MAGI2: variants seen among roughly 807,000 people sequenced by gnomAD.
The protein encoded by MAGI2 is membrane-associated guanylate kinase, WW and PDZ domain-containing protein 2.
MAGI2 carries 35 observed loss-of-function variants against 133.3 expected under a neutral mutation model. That is an observed-to-expected ratio of 0.26 (90% CI 0.20 to 0.35). MAGI2 has a LOEUF of 0.35. MAGI2 is among the 10% of genes least tolerant of loss of function. The pLI, the probability that MAGI2 is intolerant of heterozygous loss-of-function variation, is 1.00. For synonymous variants in MAGI2, 729 were observed against 710.6 expected, an observed-to-expected ratio of 1.03 and a Z score of -0.41; for missense variants, 1,636 against 1,863.4, an observed-to-expected ratio of 0.88 and a Z score of 2.25.
chr7:78,995,995 T>A (rs1449940230), intron 2 of MAGI2, among the ~76,000 whole-genome samples: 1 of 152,140 alleles, frequency 6.6e-6, no homozygotes, highest in South Asian at 2.1e-4. Context: ...TGAGATAATA[T>A]CTGAAGAATA....
intron 2 of MAGI2, among the ~76,000 whole-genome samples, chr7:78,933,858 T>A (rs1012592031): frequency 2.6e-5 from 4 of 152,054 alleles, no homozygotes; most frequent in Admixed American, 6.6e-5. Context: ...GAGAAAACAT[T>A]TTAAAAAGCC....
intron 1 of MAGI2, among the ~76,000 whole-genome samples, chr7:79,380,042 C>T (rs1249315359): frequency 2.0e-5 from 3 of 151,680 alleles, no homozygotes; most frequent in African/African-American, 7.3e-5. Flanking sequence ...ACCATAAAAA[C>T]CCTAGAAGAA....
chr7:78,253,195 A>C (rs185564442), intron 10 of MAGI2: 23 of 152,350 alleles, frequency 1.5e-4, no homozygotes, highest in Admixed American at 2.6e-4. Context: ...ATGAATGGAC[A>C]GGAAAATGGA....
intron 9 of MAGI2, among the ~76,000 whole-genome samples, chr7:78,302,028 GC>G (rs1215375713): frequency 7.2e-5 from 11 of 152,170 alleles, no homozygotes; most frequent in Admixed American, 7.2e-4. Context: ...TAGAGTGCTA[GC>G]CAAATGTTAG....
rs538261553 is a variant in MAGI2, at chr7:78,529,092, T to A, written c.539-7447A>T. ...GCTGGTTTCACAATATGATCTCCAA[T>A]GACATACATTCTGAATTTACTGTCT... On this transcript the variant is annotated intron_variant, in intron 3 of 21. Coordinates refer to ENST00000354212, the MANE Select transcript of MAGI2 (RefSeq NM_012301.4). Among the ~76,000 whole-genome samples, 15 of 152,316 alleles carry A rather than the reference T, an allele frequency of 9.8e-5. No homozygotes were observed. In the South Asian group the frequency reaches 1.9e-3, roughly 19 times the overall value.
chr7:79,258,621 C>T (rs1833864855), intron 1 of MAGI2, among the ~76,000 whole-genome samples: 1 of 152,124 alleles, frequency 6.6e-6, no homozygotes, highest in Non-Finnish European at 1.5e-5. Context: ...AAAGTAACTA[C>T]TTATTATTTA....
In MAGI2 at chr7:79,251,089, A is replaced by G. The variant is rs551453781; in HGVS notation, c.301+201931T>C. Among the ~76,000 whole-genome samples the G allele has an allele frequency of 7.2e-5, 11 of 152,322 alleles. 1 individual carries two copies. The highest frequency in any genetic ancestry group is 2.4e-4 in the African/African-American group (10 of 41,576). ...TCTTGCCATATACAAAAGCAAATCA[A>G]AATGAATTAAAGACTTAAATCTGAG... On this transcript the variant is annotated intron_variant, in intron 1 of 21. Coordinates refer to ENST00000354212, the MANE Select transcript of MAGI2 (RefSeq NM_012301.4).
intron 21 of MAGI2, among the ~76,000 whole-genome samples, chr7:78,029,973 C>A (rs897655561): frequency 6.6e-6 from 1 of 152,202 alleles, no homozygotes; most frequent in East Asian, 1.9e-4. Context: ...CTTGGAGCCT[C>A]AGCTGACTGT....
chr7:78,481,970 C>G (rs184079894), intron 6 of MAGI2, among the ~76,000 whole-genome samples: 2 of 151,890 alleles, frequency 1.3e-5, no homozygotes, highest in Non-Finnish European at 1.5e-5. Context: ...GATGGAAATA[C>G]AAACTGCAGA....
chr7:78,219,329 T>C (rs1266757896), intron 10 of MAGI2, among the ~76,000 whole-genome samples: 3 of 152,174 alleles, frequency 2.0e-5, no homozygotes, highest in Admixed American at 1.3e-4. Context: ...TACTTATTCA[T>C]CATTAAATGC....
rs951293670 is a variant in MAGI2, at chr7:78,018,498, T to C, written c.*817A>G. 3 of 152,220 alleles carry C rather than the reference T, an allele frequency of 2.0e-5. No homozygotes were observed. Among genetic ancestry groups the C allele is most frequent in the Admixed American group, 6.5e-5 (1 of 15,284 alleles). The allele number at this position is 152,220 out of a possible 1,614,324, so 9.4% of individuals were successfully genotyped here. A position where few individuals can be genotyped will look rare whatever the true frequency, so the allele number is the denominator to read the frequency against. On this transcript the variant is annotated 3_prime_UTR_variant, in exon 22 of 22. Coordinates refer to ENST00000354212, the MANE Select transcript of MAGI2 (RefSeq NM_012301.4). ...AATTGTGGTCCTTCAATTATAAAAT[T>C]CATATTTTAGAGAAAAACCAATTAA...
chr7:78,610,016 C>A (rs571655867), intron 3 of MAGI2, among the ~76,000 whole-genome samples: 1 of 152,204 alleles, frequency 6.6e-6, no homozygotes, highest in South Asian at 2.1e-4. Context: ...AATGTGGGAA[C>A]TGGAAGCAAA....
At chr7:78,454,169 A>T (rs577334961) in intron 6 of MAGI2, among the ~76,000 whole-genome samples, 1 of 152,124 alleles carries the variant, frequency 6.6e-6, no homozygotes, top group Non-Finnish European at 1.5e-5. Flanking sequence ...TGATTACTCC[A>T]TCGCATGAGT....
intron 2 of MAGI2, among the ~76,000 whole-genome samples, chr7:78,715,734 A>G (rs1819634745): frequency 6.6e-6 from 1 of 151,830 alleles, no homozygotes; most frequent in Non-Finnish European, 1.5e-5. Flanking sequence ...TTAGATAATA[A>G]GAACATATTG....
intron 2 of MAGI2, among the ~76,000 whole-genome samples, chr7:78,919,883 TG>T (rs1799095570): frequency 6.6e-6 from 1 of 152,130 alleles, no homozygotes; most frequent in Non-Finnish European, 1.5e-5. Flanking sequence ...CATTCTTTCA[TG>T]GGTAGTGCAC....
At chr7:78,280,093 A>G (rs1447217615) in intron 9 of MAGI2, among the ~76,000 whole-genome samples, 2 of 152,158 alleles carry the variant, frequency 1.3e-5, no homozygotes, top group Non-Finnish European at 2.9e-5. Context: ...TAAGCTGGAA[A>G]TAGAATGGCC....
intron 2 of MAGI2, among the ~76,000 whole-genome samples, chr7:78,796,577 A>C (rs1468631036): frequency 1.3e-5 from 2 of 152,148 alleles, no homozygotes; most frequent in Non-Finnish European, 2.9e-5. Flanking sequence ...AACGGTATGG[A>C]GGTTCCTCAA....
At chr7:79,427,132 C>T (rs1847432063) in intron 1 of MAGI2, among the ~76,000 whole-genome samples, 2 of 152,146 alleles carry the variant, frequency 1.3e-5, no homozygotes, top group Non-Finnish European at 1.5e-5. Context: ...CACCTTGAAA[C>T]AAGTATATTC....
intron 2 of MAGI2, among the ~76,000 whole-genome samples, chr7:78,661,979 G>A (rs1813008952): frequency 2.0e-5 from 3 of 152,196 alleles, no homozygotes; most frequent in Admixed American, 2.0e-4. Flanking sequence ...CTACCAGCTT[G>A]GAGTAGGCTG....
Sources: allele counts gnomAD v4.1 joint callset (sites outside exome capture counted in the v4.1 genomes callset), GRCh38; gene constraint gnomAD v4.1.1; transcripts MANE v1.5; gene names NCBI Gene and HGNC (gene_info 2026-07-23, HGNC 2026-07-21).